The following TBC1D5 variants were observed in gnomAD, a reference collection of about 807,000 sequenced individuals.
TBC1D5 encodes TBC1 domain family, member 5.
In TBC1D5, 75 loss-of-function variants were observed where a neutral mutation model predicts 100.3. The ratio of observed to expected loss-of-function variants is 0.75; its 90% confidence interval spans 0.62 to 0.91. The LOEUF is 0.91. TBC1D5 is among the 40% of genes least tolerant of loss of function. The probability of loss-of-function intolerance (pLI) is 0.00; values close to 1 mark genes in which losing one functional copy is unlikely to be tolerated. For missense variants in TBC1D5, 910 were observed against 942.4 expected (o/e 0.97, Z 0.45); for synonymous variants, 323 against 325.6 (o/e 0.99, Z 0.09).
intron 15 of TBC1D5, among the ~76,000 whole-genome samples, chr3:17,260,310 A>T (rs1269296317): frequency 1.3e-5 from 2 of 152,232 alleles, no homozygotes; most frequent in African/African-American, 4.8e-5. Flanking sequence ...TTTTTGCCAT[A>T]AAATAATGAA....
chr3:17,579,424 C>T (rs1338454289), intron 2 of TBC1D5, among the ~76,000 whole-genome samples: 1 of 152,066 alleles, frequency 6.6e-6, no homozygotes, highest in Non-Finnish European at 1.5e-5. Context: ...CTTCCTGCTG[C>T]TTCTTTCAGG....
At chr3:17,321,562 T>C (rs1489090690) in intron 13 of TBC1D5, among the ~76,000 whole-genome samples, 1 of 152,218 alleles carries the variant, frequency 6.6e-6, no homozygotes, top group Non-Finnish European at 1.5e-5. Context: ...TTTCTTTTTG[T>C]TTAGTAGCTT....
intron 1 of TBC1D5, among the ~76,000 whole-genome samples, chr3:17,638,174 T>C (rs1451094070): frequency 2.0e-5 from 3 of 152,134 alleles, no homozygotes; most frequent in Non-Finnish European, 4.4e-5. Context: ...ATAATGAATA[T>C]GCCATACAAG....
intron 7 of TBC1D5, 86 bp downstream of exon 7, chr3:17,404,608 T>A: frequency 8.3e-7 from 1 of 1,209,316 alleles, no homozygotes; most frequent in South Asian, 1.6e-5. Context: ...ATGAAATATA[T>A]TGCTTTCATG....
At chr3:17,584,546 A>G (rs1278999846) in intron 2 of TBC1D5, among the ~76,000 whole-genome samples, 2 of 152,098 alleles carry the variant, frequency 1.3e-5, no homozygotes, top group East Asian at 1.9e-4. Flanking sequence ...GCTTCATTTC[A>G]GGGTTTTTTT....
rs116572916 is a variant in TBC1D5 at position 17,429,576 on chromosome 3, T to C, written c.98-1057A>G. On this transcript the variant is annotated intron_variant, in intron 3 of 21. Coordinates refer to ENST00000253692, the Ensembl canonical transcript of TBC1D5. The stretch of plus-strand genomic sequence containing the variant: ...ATACTTTGAACAACCGAAGGTGCAA[T>C]AGGAAATCATCACAGTGGTCGTGGA... Among the ~76,000 whole-genome samples the C allele has an allele frequency of 3.5e-3, 531 of 151,990 alleles. 3 individuals carry two copies. The highest frequency in any genetic ancestry group is 0.012 in the African/African-American group (508 of 41,548).
chr3:17,509,181 AC>A (rs1461262402), intron 2 of TBC1D5, among the ~76,000 whole-genome samples: 2 of 152,044 alleles, frequency 1.3e-5, no homozygotes, highest in East Asian at 1.9e-4. Context: ...AAAGAAAAAA[AC>A]AATTGTGTGT....
chr3:17,738,941 ACACTT>A (rs1330801271), intron 1 of TBC1D5, among the ~76,000 whole-genome samples: 1 of 152,170 alleles, frequency 6.6e-6, no homozygotes, highest in East Asian at 1.9e-4. Flanking sequence ...ATTTTCCTAA[ACACTT>A]CACAGGTTTT....
exon 22 of TBC1D5, chr3:17,157,414 C>T (rs2065679464): frequency 6.6e-6 from 1 of 152,214 alleles, no homozygotes; most frequent in African/African-American, 2.4e-5. Context: ...ATCTTTTTAA[C>T]AGTATAAAAA....
chr3:17,476,876 T>C (rs1394212606), intron 3 of TBC1D5, among the ~76,000 whole-genome samples: 1 of 152,052 alleles, frequency 6.6e-6, no homozygotes, highest in East Asian at 1.9e-4. Context: ...TGTATCTTTA[T>C]TGCTGGTATA....
At chr3:17,329,602 A>T (rs1053364608) in intron 13 of TBC1D5, among the ~76,000 whole-genome samples, 3 of 152,226 alleles carry the variant, frequency 2.0e-5, no homozygotes, top group Non-Finnish European at 4.4e-5. Flanking sequence ...TTGCAAAGTG[A>T]GTTACGAAGT....
chr3:17,738,105 TTTC>T (rs1260687347), intron 1 of TBC1D5, among the ~76,000 whole-genome samples: 1 of 152,232 alleles, frequency 6.6e-6, no homozygotes, highest in African/African-American at 2.4e-5. Flanking sequence ...ACAGCCCTAC[TTTC>T]TTGTTTTGAA....
chr3:17,278,385 T>C (rs1171742565), intron 15 of TBC1D5, among the ~76,000 whole-genome samples: 1 of 152,242 alleles, frequency 6.6e-6, no homozygotes, highest in African/African-American at 2.4e-5. Context: ...GGCACCTCGA[T>C]ATGTGTATAT....
intron 4 of TBC1D5, among the ~76,000 whole-genome samples, chr3:17,411,953 ATATAT>A (rs2093938108): frequency 6.6e-6 from 1 of 152,196 alleles, no homozygotes; most frequent in Non-Finnish European, 1.5e-5. Context: ...CCACATAATA[ATATAT>A]TAATTGTCTT....
At chr3:17,489,112 A>C (rs2095606676) in intron 3 of TBC1D5, among the ~76,000 whole-genome samples, 1 of 152,036 alleles carries the variant, frequency 6.6e-6, no homozygotes, top group South Asian at 2.1e-4. Context: ...AATCATTTTA[A>C]AATTAACCAT....
At chr3:17,167,790 T>C (rs763416497) in exon 20 of TBC1D5, 1 of 1,612,328 alleles carries the variant, frequency 6.2e-7, no homozygotes, top group South Asian at 1.1e-5. Flanking sequence ...TGATCTTCTT[T>C]TTCCAAATTT....
At position 17,436,259 on chromosome 3, in the gene TBC1D5, T is replaced by C. The variant is rs777974373; in HGVS notation, c.98-7740A>G. 3.9e-5 allele frequency among the ~76,000 whole-genome samples: 6 copies of C among 152,164 alleles called. No homozygotes were observed. The East Asian group carries it at 5.8e-4, about 15-fold the overall frequency. ...CTCATCTGTAAAATGGAGAAAACAA[T>C]AGGTTCTACTGCAAAACGTGGTAAG... On this transcript the variant is annotated intron_variant, in intron 3 of 21. Transcript: ENST00000253692.
At chr3:17,290,127 T>A (rs750347210) in intron 15 of TBC1D5, among the ~76,000 whole-genome samples, 2 of 152,216 alleles carry the variant, frequency 1.3e-5, no homozygotes, top group African/African-American at 4.8e-5. Context: ...GTCATTGTAC[T>A]GATCATGTTT....
intron 16 of TBC1D5, among the ~76,000 whole-genome samples, chr3:17,255,263 C>T (rs908454496): frequency 8.5e-5 from 13 of 152,100 alleles, no homozygotes; most frequent in African/African-American, 3.1e-4. Flanking sequence ...TGCAGTGGCA[C>T]GATCTCGGCT....
Sources: allele counts gnomAD v4.1 joint callset (sites outside exome capture counted in the v4.1 genomes callset), GRCh38; gene constraint gnomAD v4.1.1; transcripts MANE v1.5; gene names NCBI Gene and HGNC (gene_info 2026-07-23, HGNC 2026-07-21).